FAM217A: variants seen among roughly 807,000 people sequenced by gnomAD.
FAM217A encodes the protein protein FAM217A.
FAM217A carries 13 observed loss-of-function variants against 18.5 expected under a neutral mutation model. The observed-to-expected ratio is 0.70, with a 90% confidence interval of 0.46 to 1.12. The LOEUF (loss-of-function observed/expected upper bound fraction) is 1.12, where lower values mean the gene tolerates loss of function less well. Ranked by LOEUF, FAM217A falls within the 50% of genes most tolerant of loss-of-function variation. FAM217A has a pLI of 0.00. For synonymous variants in FAM217A, 161 were observed against 202.8 expected (o/e 0.79, Z 1.75); for missense variants, 560 against 575.4 (o/e 0.97, Z 0.27).
At chr6:4,071,306 A>G (rs1336374589) in intron 6 of FAM217A, among the ~76,000 whole-genome samples, 1 of 152,182 alleles carries the variant, frequency 6.6e-6, no homozygotes, top group Non-Finnish European at 1.5e-5. Flanking sequence ...TATTCTTTTT[A>G]TTTGTTGATG....
chr6:4,069,608 T>G lies in FAM217A; in HGVS notation c.615A>C (p.Leu205Phe), dbSNP rs767444403. 19 of 1,614,162 alleles carry G rather than the reference T, an allele frequency of 1.2e-5. No homozygotes were observed. The highest frequency in any genetic ancestry group is 1.4e-5 in the Non-Finnish European group (17 of 1,180,024). The change falls in exon 7 of 7, where the codon TTA becomes TTC. Residue 205 changes from leucine (L) to phenylalanine (F), a missense_variant. Physicochemically the swap from Leu to Phe is conservative, Grantham distance 22 (BLOSUM62 0). Transcript: ENST00000274673. ...VEENFTDESD[L>F]SENEKTNDTL... is the part of the protein sequence containing the mutation. Reference sequence around the variant, plus strand: ...TATCATTTGTCTTCTCATTTTCTGATAAATCACTTTCATCTGTGAAATTTT... The same window carrying G: ...TATCATTTGTCTTCTCATTTTCTGAGAAATCACTTTCATCTGTGAAATTTT...
At chr6:4,083,592 C>G (rs997728083), upstream of FAM217A, among the ~76,000 whole-genome samples, 5 of 150,310 alleles carry the variant, frequency 3.3e-5, no homozygotes, top group Non-Finnish European at 7.4e-5. Context: ...CACTCTGTTG[C>G]CCAGGGTGGA....
chr6:4,075,118 G>A (rs1173381763), intron 2 of FAM217A, among the ~76,000 whole-genome samples: 1 of 152,090 alleles, frequency 6.6e-6, no homozygotes, highest in African/African-American at 2.4e-5. Context: ...AGGATCACCT[G>A]AGGTCTGGAG....
chr6:4,081,449 T>C (rs1276118364), upstream of FAM217A, among the ~76,000 whole-genome samples: 1 of 152,110 alleles, frequency 6.6e-6, no homozygotes, highest in East Asian at 1.9e-4. Context: ...GTAGCTGGGA[T>C]TACAGGCACC....
upstream of FAM217A, among the ~76,000 whole-genome samples, chr6:4,082,491 A>G (rs1770367335): frequency 6.6e-6 from 1 of 152,162 alleles, no homozygotes; most frequent in South Asian, 2.1e-4. Context: ...TTTTTTCCCA[A>G]AGCCAGCCAT....
In FAM217A at chr6:4,078,049, C is replaced by CTTT. The variant is rs10600748; in HGVS notation, c.-34-604_-34-602dup. ...AGGTATGGCTATCTGGAAAGAATCA[C>CTTT]TTTTTTTTTTTTTTTTTTTTTTGAG... On this transcript the variant is annotated intron_variant, in intron 1 of 6. Transcript: ENST00000274673. 2.6e-3 allele frequency among the ~76,000 whole-genome samples: 296 copies of CTTT among 113,978 alleles called. 3 individuals are homozygous for CTTT. The highest frequency in any genetic ancestry group is 7.5e-3 in the African/African-American group (203 of 27,146). 74.8% of individuals were successfully genotyped at this position (113,978 alleles called of 152,430 possible).
chr6:4,072,933 T>G (rs671364), intron 6 of FAM217A, among the ~76,000 whole-genome samples: 39,812 of 152,128 alleles, frequency 0.26, 6,020 homozygotes, highest in African/African-American at 0.41. Flanking sequence ...TCGGTTGTGA[T>G]TTAAATGAAT....
At chr6:4,072,448 A>G (rs1769491067) in intron 6 of FAM217A, among the ~76,000 whole-genome samples, 1 of 131,366 alleles carries the variant, frequency 7.6e-6, no homozygotes, top group Non-Finnish European at 1.6e-5. Context: ...ATGTATTCCC[A>G]GAACTTAAAA....
At chr6:4,083,518 A>G (rs1312362433), upstream of FAM217A, among the ~76,000 whole-genome samples, 1 of 151,712 alleles carries the variant, frequency 6.6e-6, no homozygotes, top group Non-Finnish European at 1.5e-5. Flanking sequence ...CTGGTCACGT[A>G]CAGCAGAATC....
chr6:4,077,377 C>T lies in FAM217A; in HGVS notation c.38G>A (p.Arg13His), dbSNP rs541801556. ...RRNENCANSLRVSNISQENLS... is the reference protein window; with the variant it reads ...RRNENCANSLHVSNISQENLS... ...TACCTCCTGAGAGATGTTTGACACA[C>T]GTAGGCTGTTAGCACAGTTCTCATT... The change falls in exon 2 of 7, where the codon CGT (arginine) becomes CAT (histidine). Residue 13 changes from arginine to histidine, a missense_variant. Arg to His is a conservative substitution (Grantham distance 29). Coordinates refer to ENST00000274673, the MANE Select transcript of FAM217A (RefSeq NM_173563.3). 6.2e-6 allele frequency: 10 copies of T among 1,614,198 alleles called. No individual in the cohort carries two copies. The East Asian group carries it at 6.7e-5, about 11-fold the overall frequency.
rs1472137609 is a variant in FAM217A at position 4,068,486 on chromosome 6, T to C, written c.*210A>G. The C allele has an allele frequency of 6.7e-6, 3 of 447,614 alleles. No homozygotes were observed. The highest frequency in any genetic ancestry group is 1.2e-5 in the Non-Finnish European group (3 of 258,432). The allele number at this position is 447,614 out of a possible 1,614,324, so 27.7% of individuals were successfully genotyped here. ...TACTTGAAACACAACATGCAAAAGA[T>C]TGTGAAATATGTCAGTATAGAAGCC... On this transcript the variant is annotated 3_prime_UTR_variant, in exon 7 of 7. Transcript: ENST00000274673.
intron 2 of FAM217A, 69 bp downstream of exon 2, chr6:4,077,286 C>T: frequency 1.3e-6 from 2 of 1,527,626 alleles, no homozygotes; most frequent in East Asian, 2.3e-5. Context: ...CAAGAAAACT[C>T]CATGGGAGTT....
chr6:4,079,619 GC>G, upstream of FAM217A: 1 of 1,281,928 alleles, frequency 7.8e-7, no homozygotes, highest in South Asian at 1.2e-5. Flanking sequence ...CCGGGGCCCG[GC>G]CCACCCGCCT....
chr6:4,069,173 T>G lies in FAM217A; in HGVS notation c.1050A>C (p.Gln350His). Residue 350 changes from glutamine (Q) to histidine (H), a missense_variant, in exon 7 of 7, where the codon CAA becomes CAC. Physicochemically the swap from Gln to His is conservative, Grantham distance 24. Coordinates refer to ENST00000274673, the MANE Select transcript of FAM217A (RefSeq NM_173563.3). ...AACCAGAGTTGTTTTTACTTTTTTC[T>G]TGACTTTTATCTACACAAGGTATCT... is the stretch of plus-strand genomic sequence containing the variant. ...SLQIPCVDKS[Q>H]EKSKNNSGSC... 1 of 1,613,794 alleles carries G rather than the reference T, an allele frequency of 6.2e-7. No homozygotes were observed. Among genetic ancestry groups the G allele is most frequent in the Non-Finnish European group, 8.5e-7 (1 of 1,179,972 alleles).
At chr6:4,079,577 T>C (rs1049392323), upstream of FAM217A, 7 of 1,284,988 alleles carry the variant, frequency 5.4e-6, no homozygotes, top group Non-Finnish European at 7.1e-6. Context: ...CAGGCTGAGC[T>C]CTCCGCGACA....
At chr6:4,078,786 G>T (rs902728463) in intron 1 of FAM217A, 66 bp downstream of exon 1, 5 of 424,276 alleles carry the variant, frequency 1.2e-5, no homozygotes, top group Non-Finnish European at 1.7e-5. Context: ...ACTGGGTGGG[G>T]AGCCCAGTTC....
At chr6:4,079,912 CG>C (rs199956784), upstream of FAM217A, among the ~76,000 whole-genome samples, 4,474 of 151,844 alleles carry the variant, frequency 0.029, 209 homozygotes, top group African/African-American at 0.1. Flanking sequence ...TTTTGTACCC[CG>C]AAATGCATAT....
upstream of FAM217A, chr6:4,087,137 A>C (rs1387785602): frequency 7.2e-6 from 3 of 417,976 alleles, no homozygotes; most frequent in Non-Finnish European, 1.2e-5. Context: ...AATTAGGTAC[A>C]TACTGGGAGC....
chr6:4,085,008 AAT>A (rs1770555201), intron 1 of FAM217A, among the ~76,000 whole-genome samples: 1 of 152,234 alleles, frequency 6.6e-6, no homozygotes, highest in African/African-American at 2.4e-5. Context: ...GCGAGAAAAT[AAT>A]ATGTTAGAAG....
Sources: gnomAD v4.1 joint callset for allele counts (sites outside exome capture counted in the v4.1 genomes callset) on GRCh38, gnomAD v4.1.1 for gene constraint, MANE v1.5 for transcripts, NCBI Gene and HGNC (gene_info 2026-07-23, HGNC 2026-07-21) for gene names.